Variants in TRMT44 observed in about 807,000 individuals in gnomAD.
TRMT44 encodes tRNA methyltransferase 44 homolog.
TRMT44 carries 78 observed loss-of-function variants against 77.3 expected under a neutral mutation model. The ratio of observed to expected loss-of-function variants is 1.01; its 90% CI spans 0.84 to 1.22. TRMT44 has a LOEUF of 1.22. Among genes scored for constraint, TRMT44 ranks in the 50% most tolerant of loss-of-function variants. TRMT44 has a pLI of 0.00. For missense variants in TRMT44, 1,090 were observed against 964.4 expected (o/e 1.13, Z -1.73); for synonymous variants, 391 against 383.3 (o/e 1.02, Z -0.23).
At chr4:8,513,563 C>G in the TRMT44 span, among the ~76,000 whole-genome samples, 1 of 152,166 alleles carries the variant, frequency 6.6e-6, no homozygotes, top group Non-Finnish European at 1.5e-5. Flanking sequence ...TGAAAAATGT[C>G]AGCTCATCAA....
downstream of TRMT44, among the ~76,000 whole-genome samples, chr4:8,494,759 C>T (rs1728103956): frequency 6.6e-6 from 1 of 151,982 alleles, no homozygotes; most frequent in Non-Finnish European, 1.5e-5. Context: ...AGGCCTGTCT[C>T]AGATATTTTG....
intron 2 of TRMT44, among the ~76,000 whole-genome samples, chr4:8,487,799 G>A (rs1727864676): frequency 6.6e-6 from 1 of 152,132 alleles, no homozygotes; most frequent in African/African-American, 2.4e-5. Flanking sequence ...CAGAAAAGCA[G>A]GACTTGCCAC....
intron 2 of TRMT44, among the ~76,000 whole-genome samples, chr4:8,482,974 C>T (rs1344746910): frequency 2.6e-5 from 4 of 151,458 alleles, no homozygotes; most frequent in Non-Finnish European, 4.4e-5. Flanking sequence ...GGATGAGGGG[C>T]GGTGTGGGAA....
intron 1 of TRMT44, among the ~76,000 whole-genome samples, chr4:8,442,529 G>A (rs1258481982): frequency 6.6e-6 from 1 of 152,212 alleles, no homozygotes; most frequent in Non-Finnish European, 1.5e-5. Context: ...TCTCAGTTCT[G>A]TAGGTTAGGA....
chr4:8,514,419 G>A, the TRMT44 span, among the ~76,000 whole-genome samples: 13 of 151,738 alleles, frequency 8.6e-5, no homozygotes, highest in African/African-American at 2.2e-4. Context: ...GATCACAGGC[G>A]CCCGCCACCA....
chr4:8,499,384 A>G, the TRMT44 span, among the ~76,000 whole-genome samples: 1 of 152,158 alleles, frequency 6.6e-6, no homozygotes, highest in African/African-American at 2.4e-5. Context: ...CTGCCTGGCC[A>G]AACCCTTTCC....
At chr4:8,499,553 C>A in the TRMT44 span, among the ~76,000 whole-genome samples, 1 of 43,198 alleles carries the variant, frequency 2.3e-5, no homozygotes, top group Non-Finnish European at 4.4e-5. Context: ...TGTGTTGGGG[C>A]GTGTGGGGTG....
At chr4:8,506,423 CA>C in the TRMT44 span, among the ~76,000 whole-genome samples, 8 of 152,328 alleles carry the variant, frequency 5.3e-5, no homozygotes, top group Admixed American at 5.2e-4. Context: ...CTGACTCCAC[CA>C]AAAACAAAGA....
At chr4:8,486,775 A>G (rs1253766576) in intron 2 of TRMT44, among the ~76,000 whole-genome samples, 1 of 152,060 alleles carries the variant, frequency 6.6e-6, no homozygotes, top group African/African-American at 2.4e-5. Context: ...CAGATGGGGG[A>G]GGGCTACTCA....
At chr4:8,458,266 T>C (rs1725935117) in intron 6 of TRMT44, among the ~76,000 whole-genome samples, 2 of 152,168 alleles carry the variant, frequency 1.3e-5, no homozygotes, top group Admixed American at 6.5e-5. Context: ...TTACACTGAA[T>C]GTGCCTGCCT....
chr4:8,514,251 C>CTTTTT, the TRMT44 span, among the ~76,000 whole-genome samples: 75 of 114,236 alleles, frequency 6.6e-4, 1 homozygote, highest in African/African-American at 2.4e-3. Flanking sequence ...GGGCTCTGAT[C>CTTTTT]TTTTTTTTTT....
At chr4:8,478,843 G>A (rs905912184), downstream of TRMT44, 5 of 152,388 alleles carry the variant, frequency 3.3e-5, no homozygotes, top group Admixed American at 6.5e-5. Flanking sequence ...CAGGCGCCGC[G>A]ACTTGCCCCA....
At chr4:8,507,169 C>T in the TRMT44 span, 18,720 of 152,418 alleles carry the variant, frequency 0.12, 1,189 homozygotes, top group Middle Eastern at 0.15. Flanking sequence ...GAAGTGTGGC[C>T]GGCTCCGAGC....
chr4:8,443,066 G>T (rs887699169), intron 1 of TRMT44, among the ~76,000 whole-genome samples: 2 of 152,178 alleles, frequency 1.3e-5, no homozygotes, highest in African/African-American at 2.4e-5. Context: ...AGCAATTGCT[G>T]GGAGGTACAT....
chr4:8,500,918 TC>T, the TRMT44 span, among the ~76,000 whole-genome samples: 1 of 152,206 alleles, frequency 6.6e-6, no homozygotes. Flanking sequence ...CTCCTTGGCC[TC>T]CCAAGGTGCT....
chr4:8,490,912 T>C (rs1291141770), intron 2 of TRMT44, among the ~76,000 whole-genome samples: 1 of 151,944 alleles, frequency 6.6e-6, no homozygotes, highest in East Asian at 1.9e-4. Flanking sequence ...CACGTCCCCA[T>C]CAGATTAGTT....
chr4:8,489,449 AGTTTTGTTTTC>A (rs1467908383), intron 2 of TRMT44, among the ~76,000 whole-genome samples: 3 of 144,798 alleles, frequency 2.1e-5, no homozygotes, highest in Admixed American at 6.9e-5. Context: ...GACAGGCTGT[AGTTTTGTTTTC>A]GTTTTGTTTT....
At chr4:8,501,438 G>A in the TRMT44 span, among the ~76,000 whole-genome samples, 4 of 152,300 alleles carry the variant, frequency 2.6e-5, no homozygotes, top group South Asian at 8.3e-4. This position sits in a 1 kb window ranked among gnomAD's most constrained non-coding sequence, Gnocchi z 4.4. Flanking sequence ...CCTTGGGGAA[G>A]TCACTCAACT....
chr4:8,493,729 C>T (rs912347957), downstream of TRMT44, among the ~76,000 whole-genome samples: 4 of 151,988 alleles, frequency 2.6e-5, no homozygotes, highest in East Asian at 5.8e-4. Flanking sequence ...CTTTTGGCCT[C>T]CACTTTCCAT....
Sources: gnomAD v4.1 joint callset for allele counts (sites outside exome capture counted in the v4.1 genomes callset) on GRCh38, gnomAD v4.1.1 for gene constraint, Gnocchi (gnomAD v3.1) non-coding constraint, MANE v1.5 for transcripts, NCBI Gene and HGNC (gene_info 2026-07-23, HGNC 2026-07-21) for gene names.